The following OCA2 variants were observed in gnomAD, a reference collection of about 807,000 sequenced individuals.
OCA2 encodes OCA2 melanosomal transmembrane protein.
A neutral mutation model predicts 100.2 loss-of-function variants in OCA2; 77 were observed. That is an observed-to-expected ratio of 0.77 (90% CI 0.64 to 0.93). The LOEUF (loss-of-function observed/expected upper bound fraction) is 0.93. Among genes scored for constraint, OCA2 ranks in the 40% least tolerant of loss-of-function variants. The pLI is 0.00. For missense variants in OCA2, 1,062 were observed against 1,089.1 expected (o/e 0.98, Z 0.35); for synonymous variants, 432 against 439.2 (o/e 0.98, Z 0.21).
chr15:27,792,392 C>G (rs1489867990), intron 23 of OCA2, among the ~76,000 whole-genome samples: 2 of 152,084 alleles, frequency 1.3e-5, no homozygotes, highest in Non-Finnish European at 2.9e-5. Context: ...AACCAACTTT[C>G]CTTTCCCTAC....
At chr15:27,785,622 A>C (rs1265533482) in intron 23 of OCA2, among the ~76,000 whole-genome samples, 1 of 152,246 alleles carries the variant, frequency 6.6e-6, no homozygotes, top group Non-Finnish European at 1.5e-5. Context: ...GGAAAATTTC[A>C]ATGCTTGTGC....
intron 2 of OCA2, among the ~76,000 whole-genome samples, chr15:28,060,109 A>G (rs1312072067): frequency 1.3e-5 from 2 of 152,222 alleles, no homozygotes; most frequent in Admixed American, 1.3e-4. Flanking sequence ...CCTCTGCTGC[A>G]GTCTCATGTT....
At chr15:27,972,210 A>C (rs954547711) in intron 14 of OCA2, among the ~76,000 whole-genome samples, 4 of 151,798 alleles carry the variant, frequency 2.6e-5, no homozygotes, top group Non-Finnish European at 4.4e-5. Context: ...ATACACGCAT[A>C]TCTCTCTCTC....
intron 23 of OCA2, among the ~76,000 whole-genome samples, chr15:27,771,017 CTTCT>C (rs2031791391): frequency 7.7e-6 from 1 of 129,586 alleles, no homozygotes; most frequent in East Asian, 2.8e-4. Flanking sequence ...CCCTTCTTTT[CTTCT>C]TTCCTTCCCT....
intron 4 of OCA2, among the ~76,000 whole-genome samples, chr15:28,026,988 C>A (rs944339196): frequency 6.6e-6 from 1 of 152,236 alleles, no homozygotes; most frequent in Non-Finnish European, 1.5e-5. Flanking sequence ...CAAGGCCCTG[C>A]GATGGGCGCT....
chr15:27,994,630 C>A (rs985049304), intron 9 of OCA2, among the ~76,000 whole-genome samples: 1 of 152,234 alleles, frequency 6.6e-6, no homozygotes, highest in Non-Finnish European at 1.5e-5. Flanking sequence ...CTCCTGTGAG[C>A]ATGGCGTGCC....
chr15:27,990,736 T>C, intron 9 of OCA2, 89 bp from the exon 10 acceptor site: 1 of 1,070,144 alleles, frequency 9.3e-7, no homozygotes, highest in Non-Finnish European at 1.5e-6. Context: ...GGGGTCTATA[T>C]CTGCCACTGT....
At chr15:28,016,242 G>A in intron 7 of OCA2, 56 bp from the exon 8 acceptor site, 1 of 1,348,000 alleles carries the variant, frequency 7.4e-7, no homozygotes, top group Non-Finnish European at 1.1e-6. Flanking sequence ...ACACCATCTG[G>A]GATCTGGCAC....
At chr15:27,744,975 G>C in the OCA2 span, among the ~76,000 whole-genome samples, 2 of 152,150 alleles carry the variant, frequency 1.3e-5, no homozygotes, top group Non-Finnish European at 2.9e-5. Flanking sequence ...CCTGACTCTA[G>C]TGCAGCATCG....
At chr15:27,910,394 T>C (rs1380149469) in intron 19 of OCA2, among the ~76,000 whole-genome samples, 1 of 152,164 alleles carries the variant, frequency 6.6e-6, no homozygotes, top group Non-Finnish European at 1.5e-5. Context: ...CGTAGTGTTG[T>C]TTGTAATCAC....
At chr15:27,778,835 AG>A (rs2151080006) in intron 23 of OCA2, among the ~76,000 whole-genome samples, 1 of 152,388 alleles carries the variant, frequency 6.6e-6, no homozygotes, top group Non-Finnish European at 1.5e-5. Flanking sequence ...GTTATAAATT[AG>A]GCTCCTTGCA....
intron 19 of OCA2, among the ~76,000 whole-genome samples, chr15:27,893,530 C>A (rs1450126306): frequency 6.6e-6 from 1 of 152,154 alleles, no homozygotes; most frequent in East Asian, 1.9e-4. Flanking sequence ...TCACTAAATT[C>A]TTTTCCTAGC....
At chr15:27,974,108 G>A (rs1190623499) in intron 14 of OCA2, among the ~76,000 whole-genome samples, 4 of 152,048 alleles carry the variant, frequency 2.6e-5, no homozygotes, top group Admixed American at 2.6e-4. Flanking sequence ...CTAGGTATAA[G>A]ATCATATCAG....
At chr15:27,868,811 C>T (rs1049890487) in intron 21 of OCA2, among the ~76,000 whole-genome samples, 6 of 152,192 alleles carry the variant, frequency 3.9e-5, no homozygotes, top group Non-Finnish European at 7.3e-5. Flanking sequence ...CACAGGTATA[C>T]ACATATATGT....
intron 1 of OCA2, among the ~76,000 whole-genome samples, chr15:28,096,650 A>G (rs1298430431): frequency 6.6e-6 from 1 of 152,114 alleles, no homozygotes; most frequent in Non-Finnish European, 1.5e-5. Context: ...ATATCCCTTC[A>G]GGTGGATTTT....
At chr15:27,948,619 C>G (rs2039924238) in intron 18 of OCA2, among the ~76,000 whole-genome samples, 1 of 152,118 alleles carries the variant, frequency 6.6e-6, no homozygotes, top group Non-Finnish European at 1.5e-5. Flanking sequence ...GCGTGCACCA[C>G]CACACCCAGC....
rs971229767 is a variant in OCA2, at chr15:27,755,240, G to C, written c.*148C>G. 1.2e-5 allele frequency: 8 copies of C among 680,404 alleles called. No individual in the cohort carries two copies. The highest frequency in any genetic ancestry group is 2.2e-5 in the Non-Finnish European group (8 of 367,116). The allele number at this position is 680,404 out of a possible 1,614,324, so 42.1% of individuals were successfully genotyped here. Reference sequence around the variant, plus strand: ...AACATTCGCTTGAATTAGAGTGTTAGTGTCAAGGTCTATTCCACTGTGTCT... The same window carrying C: ...AACATTCGCTTGAATTAGAGTGTTACTGTCAAGGTCTATTCCACTGTGTCT... On this transcript the variant is annotated 3_prime_UTR_variant, in exon 24 of 24. Transcript: ENST00000354638.
intron 23 of OCA2, among the ~76,000 whole-genome samples, chr15:27,798,039 G>C (rs2033422790): frequency 6.6e-6 from 1 of 152,262 alleles, no homozygotes; most frequent in South Asian, 2.1e-4. Context: ...AGGGTGTGCA[G>C]GGTGGGCAAG....
chr15:27,966,981 T>C lies in OCA2; in HGVS notation c.1504-159A>G, dbSNP rs12324076. Among the ~76,000 whole-genome samples, 814 of 152,116 alleles carry C rather than the reference T, an allele frequency of 5.4e-3. 7 individuals are homozygous for C. The highest frequency in any genetic ancestry group is 0.019 in the African/African-American group (772 of 41,504). On this transcript the variant is annotated intron_variant, in intron 14 of 23. Coordinates refer to ENST00000354638, the MANE Select transcript of OCA2 (RefSeq NM_000275.3). ...TGTCTCTACTAAAAAATACAAAAAA[T>C]TAACTGGGCGTGGTGGCGGGTGCCT...
Sources: gnomAD v4.1 joint callset for allele counts (sites outside exome capture counted in the v4.1 genomes callset) on GRCh38, gnomAD v4.1.1 for gene constraint, MANE v1.5 for transcripts, NCBI Gene and HGNC (gene_info 2026-07-23, HGNC 2026-07-21) for gene names.